CDH18: variants seen among roughly 807,000 people sequenced by gnomAD.
CDH18 encodes cadherin 18.
A neutral mutation model predicts 67.9 loss-of-function variants in CDH18; 31 were observed. That is an observed-to-expected ratio of 0.46 (90% CI 0.34 to 0.62). The LOEUF is 0.62. CDH18 is among the 20% of genes least tolerant of loss of function. The pLI is 0.01. For missense variants in CDH18, 890 were observed against 975.5 expected, an observed-to-expected ratio of 0.91 and a Z score of 1.17; for synonymous variants, 362 against 347.2, an observed-to-expected ratio of 1.04 and a Z score of -0.48.
intron 3 of CDH18, among the ~76,000 whole-genome samples, chr5:19,812,024 G>T (rs2149901189): frequency 6.6e-6 from 1 of 152,184 alleles, no homozygotes; most frequent in South Asian, 2.1e-4. Context: ...AATGATTTTA[G>T]CAATAAGGAC....
At chr5:19,594,305 C>G (rs1475464666) in intron 6 of CDH18, among the ~76,000 whole-genome samples, 1 of 152,050 alleles carries the variant, frequency 6.6e-6, no homozygotes, top group Non-Finnish European at 1.5e-5. Flanking sequence ...GCCCGCACCA[C>G]CACACACAGC....
At chr5:19,727,746 T>C (rs971099247) in intron 4 of CDH18, among the ~76,000 whole-genome samples, 2 of 152,168 alleles carry the variant, frequency 1.3e-5, no homozygotes, top group African/African-American at 4.8e-5. Context: ...TGTAATTGTG[T>C]ATTATGTTTG....
chr5:19,655,438 T>C (rs780148861), intron 5 of CDH18, among the ~76,000 whole-genome samples: 93 of 151,734 alleles, frequency 6.1e-4, no homozygotes, highest in Non-Finnish European at 1.1e-3. Flanking sequence ...CAGTAATATA[T>C]ATATATTTAA....
At chr5:20,033,456 G>A (rs1256690805) in intron 2 of CDH18, among the ~76,000 whole-genome samples, 1 of 151,996 alleles carries the variant, frequency 6.6e-6, no homozygotes, top group Non-Finnish European at 1.5e-5. Context: ...TGGCTCACCA[G>A]GAAGTAAACA....
chr5:19,824,320 G>A (rs1229818463), intron 3 of CDH18, among the ~76,000 whole-genome samples: 1 of 152,170 alleles, frequency 6.6e-6, no homozygotes, highest in Non-Finnish European at 1.5e-5. Flanking sequence ...GTGACACAGA[G>A]AGCAGAGAGG....
At chr5:20,165,959 G>C (rs1736249984) in intron 2 of CDH18, among the ~76,000 whole-genome samples, 1 of 151,826 alleles carries the variant, frequency 6.6e-6, no homozygotes, top group Non-Finnish European at 1.5e-5. Flanking sequence ...TTTTTTTCTT[G>C]TTTTAAATAG....
intron 2 of CDH18, among the ~76,000 whole-genome samples, chr5:20,251,521 T>A (rs980507406): frequency 6.6e-6 from 1 of 152,190 alleles, no homozygotes; most frequent in East Asian, 1.9e-4. Context: ...GACAAAAAAA[T>A]TGTATTTGCA....
At chr5:19,813,393 A>G (rs922509054) in intron 3 of CDH18, among the ~76,000 whole-genome samples, 2 of 152,168 alleles carry the variant, frequency 1.3e-5, no homozygotes, top group African/African-American at 4.8e-5. Flanking sequence ...CTATGTGGAT[A>G]AGAAAAGAAG....
chr5:19,560,260 A>G (rs1197960717), intron 8 of CDH18, among the ~76,000 whole-genome samples: 1 of 152,178 alleles, frequency 6.6e-6, no homozygotes, highest in Non-Finnish European at 1.5e-5. Flanking sequence ...CTGACTTCAA[A>G]TTATATTATA....
At chr5:19,592,702 G>A (rs1036064641) in intron 6 of CDH18, among the ~76,000 whole-genome samples, 3 of 151,974 alleles carry the variant, frequency 2.0e-5, no homozygotes, top group Non-Finnish European at 2.9e-5. Context: ...AGATCCATCC[G>A]ATAAACAAAT....
intron 5 of CDH18, among the ~76,000 whole-genome samples, chr5:19,705,101 G>A (rs1442111024): frequency 6.6e-6 from 1 of 152,184 alleles, no homozygotes; most frequent in Non-Finnish European, 1.5e-5. Context: ...CTTATGTACG[G>A]CAAGCAGCTG....
At chr5:19,924,498 C>G (rs947937513) in intron 2 of CDH18, among the ~76,000 whole-genome samples, 1 of 151,862 alleles carries the variant, frequency 6.6e-6, no homozygotes. Context: ...TGGTGGCAGG[C>G]GCCTATAATC....
intron 5 of CDH18, among the ~76,000 whole-genome samples, chr5:19,703,190 G>A (rs914513394): frequency 3.3e-5 from 5 of 152,040 alleles, no homozygotes; most frequent in African/African-American, 7.2e-5. Context: ...AGCTGGTCTC[G>A]GCAAGTGGTG....
chr5:20,015,180 A>G lies in CDH18; in HGVS notation c.-517-23166T>C, dbSNP rs559813211. On this transcript the variant is annotated intron_variant, in intron 2 of 14. Coordinates refer to the CDH18 transcript ENST00000507958. Reference sequence around the variant, plus strand: ...CAAACCTTGGTTCAGAAACAGACACATGGCCTATTTGGCCAAGAGAGAATG... The same window carrying G: ...CAAACCTTGGTTCAGAAACAGACACGTGGCCTATTTGGCCAAGAGAGAATG... 5.9e-5 allele frequency among the ~76,000 whole-genome samples: 9 copies of G among 152,262 alleles called. No individual in the cohort carries two copies. The East Asian group carries it at 9.7e-4, about 16-fold the overall frequency.
chr5:19,718,829 T>C (rs1350067463), intron 5 of CDH18, among the ~76,000 whole-genome samples: 1 of 151,892 alleles, frequency 6.6e-6, no homozygotes, highest in African/African-American at 2.4e-5. Flanking sequence ...GCAAAGAAAA[T>C]TTTGTAGAGT....
chr5:19,936,917 C>T (rs1794341044), intron 2 of CDH18, among the ~76,000 whole-genome samples: 1 of 150,864 alleles, frequency 6.6e-6, no homozygotes, highest in African/African-American at 2.4e-5. Context: ...ACAGATACTG[C>T]AATTATTGTG....
chr5:19,746,295 A>C (rs1200412633), intron 4 of CDH18, among the ~76,000 whole-genome samples: 1 of 152,170 alleles, frequency 6.6e-6, no homozygotes, highest in Non-Finnish European at 1.5e-5. Context: ...ATTCAGCTAA[A>C]CCTGGAAAAA....
intron 3 of CDH18, among the ~76,000 whole-genome samples, chr5:19,813,866 A>G (rs1384469875): frequency 1.3e-5 from 2 of 152,104 alleles, no homozygotes; most frequent in Admixed American, 1.3e-4. Context: ...AATGTGGAAA[A>G]ATCTATGATT....
intron 1 of CDH18, among the ~76,000 whole-genome samples, chr5:20,404,196 T>C (rs1338934781): frequency 6.6e-6 from 1 of 152,204 alleles, no homozygotes; most frequent in East Asian, 1.9e-4. Context: ...ATGTTGTGGC[T>C]TGTTTGATCT....
Sources: gnomAD v4.1 joint callset for allele counts (sites outside exome capture counted in the v4.1 genomes callset) on GRCh38, gnomAD v4.1.1 for gene constraint, MANE v1.5 for transcripts, NCBI Gene and HGNC (gene_info 2026-07-23, HGNC 2026-07-21) for gene names.